Variants in LMOD1 observed in about 807,000 individuals in gnomAD.
LMOD1 encodes leiomodin 1, also known as leiomodin-1.
A neutral mutation model predicts 36.5 loss-of-function variants in LMOD1; 8 were observed. That is an observed-to-expected ratio of 0.22 (90% CI 0.13 to 0.40). The LOEUF (loss-of-function observed/expected upper bound fraction) is 0.40, where lower values mean the gene tolerates loss of function less well. LMOD1 is among the 10% of genes least tolerant of loss of function. LMOD1 has a pLI of 1.00. For missense variants in LMOD1, 630 were observed against 751.1 expected, an observed-to-expected ratio of 0.84 and a Z score of 1.88; for synonymous variants, 284 against 288.7, an observed-to-expected ratio of 0.98 and a Z score of 0.17.
At chr1:201,942,599 G>A (rs969540519) in intron 1 of LMOD1, among the ~76,000 whole-genome samples, 1 of 152,048 alleles carries the variant, frequency 6.6e-6, no homozygotes, top group Non-Finnish European at 1.5e-5. Flanking sequence ...ATGCATCTTG[G>A]GGCTGTCCTT....
chr1:201,925,501 T>C (rs1681814306), intron 1 of LMOD1, among the ~76,000 whole-genome samples: 1 of 152,156 alleles, frequency 6.6e-6, no homozygotes, highest in African/African-American at 2.4e-5. Context: ...ACACTTTCCA[T>C]TTTTCTTGGA....
In LMOD1 at chr1:201,898,211, G is replaced by A. The variant is rs1423266254; in HGVS notation, c.*161C>T. The A allele has an allele frequency of 4.2e-6, 3 of 712,936 alleles. No homozygotes were observed. Among genetic ancestry groups the A allele is most frequent in the Non-Finnish European group, 7.4e-6 (3 of 407,544 alleles). The allele number at this position is 712,936 out of a possible 1,614,324, so 44.2% of individuals were successfully genotyped here. On this transcript the variant is annotated 3_prime_UTR_variant, in exon 3 of 3. Transcript: ENST00000367288. ...GAAAAGGAAAGTGAGAAGAGATAAG[G>A]CATCCTTCCTTGAGCGTGACCCAGG...
chr1:201,938,187 T>C (rs888815991), intron 1 of LMOD1, among the ~76,000 whole-genome samples: 2 of 150,876 alleles, frequency 1.3e-5, no homozygotes, highest in African/African-American at 2.4e-5. Flanking sequence ...TGGAGTGCAA[T>C]GGCACCATCT....
intron 1 of LMOD1, among the ~76,000 whole-genome samples, chr1:201,914,850 C>A (rs1413346131): frequency 6.6e-6 from 1 of 151,956 alleles, no homozygotes; most frequent in Non-Finnish European, 1.5e-5. Flanking sequence ...CCCTTCCCAC[C>A]ACCCTTTAAA....
chr1:201,920,045 C>CTTTT lies in LMOD1; in HGVS notation c.262-19298_262-19295dup, dbSNP rs576044641. Among the ~76,000 whole-genome samples, 146 of 52,524 alleles carry CTTTT rather than the reference C, an allele frequency of 2.8e-3. 7 individuals are homozygous for CTTTT. The highest frequency in any genetic ancestry group is 3.6e-3 in the East Asian group (10 of 2,748). 34.5% of individuals were successfully genotyped at this position (52,524 alleles called of 152,430 possible). A position where few individuals can be genotyped will look rare whatever the true frequency, so the allele number is the denominator to read the frequency against. On this transcript the variant is annotated intron_variant, in intron 1 of 2. Coordinates refer to ENST00000367288, the MANE Select transcript of LMOD1 (RefSeq NM_012134.3). ...TCTCCACCCGCCACTGGCTCTCTCT[C>CTTTT]TTTTTTTTTTTTTTTTTTTTTTTTT...
chr1:201,925,483 G>A (rs1681814048), intron 1 of LMOD1, among the ~76,000 whole-genome samples: 1 of 152,108 alleles, frequency 6.6e-6, no homozygotes, highest in Non-Finnish European at 1.5e-5. Flanking sequence ...CAAGCTTCTG[G>A]GAGTAAGACA....
At chr1:201,944,196 G>A (rs1364584148) in intron 1 of LMOD1, among the ~76,000 whole-genome samples, 4 of 152,152 alleles carry the variant, frequency 2.6e-5, no homozygotes, top group Admixed American at 2.6e-4. Flanking sequence ...TTCTTGACTC[G>A]GGCTCTGTCC....
At position 201,900,727 on chromosome 1, in the gene LMOD1, T is replaced by C. The variant is rs1480820457; in HGVS notation, c.286A>G (p.Thr96Ala). 10 of 1,598,818 alleles carry C rather than the reference T, an allele frequency of 6.3e-6. No individual in the cohort carries two copies. Among genetic ancestry groups the C allele is most frequent in the Non-Finnish European group, 8.5e-6 (10 of 1,174,278 alleles). ...MDESKQVETK[T>A]DAKNGEERGR... ...CTTTCCTCTCCATTCTTGGCATCTG[T>C]CTTGGTCTCCACTTGCTTGCTTTCC... is the stretch of plus-strand genomic sequence containing the variant. The change falls in exon 2 of 3, where the codon ACA becomes GCA. Residue 96 changes from threonine to alanine, a missense_variant. By Grantham distance (58) the Thr-to-Ala change is moderately conservative. Around this residue, in one of 3 missense-constraint regions of LMOD1, gnomAD observed 405 missense variants for 400.6 expected, o/e 1.01. Transcript: ENST00000367288.
chr1:201,938,949 C>T (rs1417228501), intron 1 of LMOD1, among the ~76,000 whole-genome samples: 1 of 152,118 alleles, frequency 6.6e-6, no homozygotes, highest in African/African-American at 2.4e-5. Context: ...AATCTCCTTT[C>T]ACTCTGTCTT....
chr1:201,928,269 C>A (rs1335550557), intron 1 of LMOD1, among the ~76,000 whole-genome samples: 1 of 152,192 alleles, frequency 6.6e-6, no homozygotes, highest in Non-Finnish European at 1.5e-5. Context: ...TATAGTCTCT[C>A]AATTCATTTT....
chr1:201,922,346 A>G (rs773122008), intron 1 of LMOD1, among the ~76,000 whole-genome samples: 11 of 152,244 alleles, frequency 7.2e-5, no homozygotes, highest in Non-Finnish European at 1.6e-4. Flanking sequence ...CCCAAAGTCT[A>G]TTAACTGAAG....
intron 1 of LMOD1, among the ~76,000 whole-genome samples, chr1:201,906,057 G>A (rs750913205): frequency 5.7e-4 from 86 of 152,128 alleles, no homozygotes; most frequent in Middle Eastern, 3.2e-3. Flanking sequence ...CCCCTAGCTC[G>A]AGCTCCTGGC....
chr1:201,898,876 G>A (rs1681238285), intron 2 of LMOD1, among the ~76,000 whole-genome samples: 1 of 152,184 alleles, frequency 6.6e-6, no homozygotes, highest in Non-Finnish European at 1.5e-5. Context: ...GATCATTTTT[G>A]TTTGGGGAAA....
At chr1:201,921,002 T>G (rs948318879) in intron 1 of LMOD1, among the ~76,000 whole-genome samples, 1 of 152,164 alleles carries the variant, frequency 6.6e-6, no homozygotes, top group African/African-American at 2.4e-5. Context: ...AGGGTACAGT[T>G]AATAAGATTC....
At chr1:201,914,879 T>G (rs1262174965) in intron 1 of LMOD1, among the ~76,000 whole-genome samples, 1 of 151,816 alleles carries the variant, frequency 6.6e-6, no homozygotes, top group Non-Finnish European at 1.5e-5. Context: ...TCTCTCCCGG[T>G]TAATCAGATC....
At chr1:201,920,302 C>T (rs891306643) in intron 1 of LMOD1, among the ~76,000 whole-genome samples, 8 of 151,900 alleles carry the variant, frequency 5.3e-5, no homozygotes, top group African/African-American at 9.7e-5. Context: ...TCAGACGATC[C>T]GCCCGCCTCA....
intron 1 of LMOD1, among the ~76,000 whole-genome samples, chr1:201,913,752 T>C (rs1034834374): frequency 7.6e-4 from 116 of 152,358 alleles, no homozygotes; most frequent in African/African-American, 2.7e-3. Context: ...AAATGGAGGC[T>C]GCTGCCTGTG....
At chr1:201,914,942 C>G (rs1457384703) in intron 1 of LMOD1, among the ~76,000 whole-genome samples, 1 of 152,138 alleles carries the variant, frequency 6.6e-6, no homozygotes, top group Non-Finnish European at 1.5e-5. Context: ...CCCGTATACC[C>G]AAACTTCCTC....
In LMOD1 at chr1:201,906,526, TG is replaced by T. The variant is rs1301743334; in HGVS notation, c.262-5776del. 1.2e-4 allele frequency among the ~76,000 whole-genome samples: 19 copies of T among 152,246 alleles called. No homozygotes were observed. The East Asian group carries it at 3.7e-3, about 29-fold the overall frequency. ...TTTACAAGGGAGGGCAGGGAAGAGC[TG>T]ACTATGGGCTGGAGGGCCTGTCAAA... On this transcript the variant is annotated intron_variant, in intron 1 of 2. Coordinates refer to ENST00000367288, the MANE Select transcript of LMOD1 (RefSeq NM_012134.3).
Sources: allele counts gnomAD v4.1 joint callset (sites outside exome capture counted in the v4.1 genomes callset), GRCh38; gene constraint gnomAD v4.1.1; regional missense constraint gnomAD v4.1.1; transcripts MANE v1.5; gene names NCBI Gene and HGNC (gene_info 2026-07-23, HGNC 2026-07-21).